The following PRKAG2 variants were observed in gnomAD, a reference collection of about 807,000 sequenced individuals.
The protein encoded by PRKAG2 is 5'-AMP-activated protein kinase subunit gamma-2.
PRKAG2 carries 26 observed loss-of-function variants against 69.6 expected under a neutral mutation model. That is an observed-to-expected ratio of 0.37 (90% confidence interval 0.27 to 0.52). The LOEUF (loss-of-function observed/expected upper bound fraction) is 0.52. Ranked by LOEUF, PRKAG2 falls within the 20% of genes least tolerant of loss-of-function variation. PRKAG2 has a pLI of 0.90. For missense variants in PRKAG2, 557 were observed against 740.0 expected (o/e 0.75, Z 2.87); for synonymous variants, 293 against 285.0 (o/e 1.03, Z -0.28).
chr7:151,632,497 C>G lies in PRKAG2; in HGVS notation c.685-359G>C. On this transcript the variant is annotated intron_variant, in intron 4 of 15. Coordinates refer to ENST00000287878, the MANE Select transcript of PRKAG2 (RefSeq NM_016203.4). The surrounding 1 kb of genome is among the most constrained non-coding windows in gnomAD (Gnocchi z 4.2). ...GGGGCGCCCCCCTCCGGCCGTGGCC[C>G]GCGTCCTCCCCGCCGTGCCGCCATT... is the stretch of plus-strand genomic sequence containing the variant. The G allele has an allele frequency of 1.1e-6, 1 of 886,790 alleles. No homozygotes were observed. The highest frequency in any genetic ancestry group is 1.4e-6 in the Non-Finnish European group (1 of 740,714). The allele number at this position is 886,790 out of a possible 1,614,324, so 54.9% of individuals were successfully genotyped here.
At chr7:151,590,144 C>T (rs1391090948) in intron 6 of PRKAG2, among the ~76,000 whole-genome samples, 3 of 152,134 alleles carry the variant, frequency 2.0e-5, no homozygotes, top group African/African-American at 7.2e-5. Flanking sequence ...TGTGCCAGGG[C>T]CCACATGGCC....
chr7:151,726,749 G>A (rs919824540), intron 3 of PRKAG2, among the ~76,000 whole-genome samples: 4 of 152,168 alleles, frequency 2.6e-5, no homozygotes, highest in African/African-American at 9.7e-5. Flanking sequence ...ATCTTGAGGG[G>A]AAGTAGCTGG....
At position 151,620,027 on chromosome 7, in the gene PRKAG2, A is replaced by AAAAAAT. The variant is rs556918279; in HGVS notation, c.754+12036_754+12041dup. On this transcript the variant is annotated intron_variant, in intron 5 of 15. Coordinates refer to ENST00000287878, the MANE Select transcript of PRKAG2 (RefSeq NM_016203.4). ...CAGAGCGAGACTCCGTCTCAAAAAT[A>AAAAAAT]AAAAATAAAAATAAAAATAAAAATA... is the stretch of plus-strand genomic sequence containing the variant. 3.9e-3 allele frequency among the ~76,000 whole-genome samples: 588 copies of AAAAAAT among 152,268 alleles called. 9 individuals carry two copies. The South Asian group carries it at 0.046, about 12-fold the overall frequency.
chr7:151,821,633 T>C lies in PRKAG2; in HGVS notation c.115-35092A>G, dbSNP rs2151865112. 1.3e-5 allele frequency among the ~76,000 whole-genome samples: 2 copies of C among 152,254 alleles called. 1 individual carries two copies. The highest frequency in any genetic ancestry group is 4.1e-4 in the South Asian group (2 of 4,826). On this transcript the variant is annotated intron_variant, in intron 1 of 15. Transcript: ENST00000287878. ...CATTTTTTTTCTACAAATTGCCCTC[T>C]ATAACAATGCCCCTAAGCAAGTCCT...
intron 1 of PRKAG2, among the ~76,000 whole-genome samples, chr7:151,826,750 A>AT (rs1049564962): frequency 6.6e-6 from 1 of 152,112 alleles, no homozygotes; most frequent in Non-Finnish European, 1.5e-5. Context: ...TTCTCCATTT[A>AT]TTTTTTTCCT....
chr7:151,601,151 G>A lies in PRKAG2; in HGVS notation c.755-5697C>T, dbSNP rs765251451. On this transcript the variant is annotated intron_variant, in intron 5 of 15. Transcript: ENST00000287878. The stretch of plus-strand genomic sequence containing the variant: ...TTACCCACAGGGGGACACAATGACC[G>A]GTTATCCACCCTCAAAGCTTATGCA... 1.6e-4 allele frequency among the ~76,000 whole-genome samples: 24 copies of A among 152,094 alleles called. 1 individual carries two copies. The highest frequency in any genetic ancestry group is 1.4e-3 in the Admixed American group (22 of 15,276).
At chr7:151,858,685 C>A (rs1349366792) in intron 1 of PRKAG2, among the ~76,000 whole-genome samples, 2 of 152,206 alleles carry the variant, frequency 1.3e-5, no homozygotes, top group African/African-American at 4.8e-5. Flanking sequence ...GTGACATCGT[C>A]ATTCACTTCG....
chr7:151,783,160 A>ACCCGCGCAGCACAGCCTC (rs1220369441), intron 2 of PRKAG2, among the ~76,000 whole-genome samples: 1 of 152,136 alleles, frequency 6.6e-6, no homozygotes, highest in African/African-American at 2.4e-5. Context: ...CGTGGCGTGG[A>ACCCGCGCAGCACAGCCTC]CCCGCGCAGC....
At chr7:151,790,581 T>G (rs1290611804) in intron 1 of PRKAG2, 1 of 152,220 alleles carries the variant, frequency 6.6e-6, no homozygotes, top group Non-Finnish European at 1.5e-5. Flanking sequence ...CCAAGCACCC[T>G]CTTGCGCCTG....
At chr7:151,682,669 G>C (rs1008542279) in intron 3 of PRKAG2, among the ~76,000 whole-genome samples, 1 of 152,192 alleles carries the variant, frequency 6.6e-6, no homozygotes, top group Admixed American at 6.5e-5. Context: ...GGGGTGTTGA[G>C]GAAGGAGGTG....
intron 3 of PRKAG2, among the ~76,000 whole-genome samples, chr7:151,755,273 G>A (rs953553324): frequency 2.6e-5 from 4 of 152,128 alleles, no homozygotes; most frequent in African/African-American, 9.7e-5. Context: ...TGGGAGGCAC[G>A]GCACAGCACA....
chr7:151,874,234 GATGTAT>G lies in PRKAG2; in HGVS notation c.114+2267_114+2272del, dbSNP rs1273435017. ...ATATGTATATGATGTATATGTATAT[GATGTAT>G]ATGTATATGTATATGATGTATATGT... On this transcript the variant is annotated intron_variant, in intron 1 of 15. Transcript: ENST00000287878. Among the ~76,000 whole-genome samples, 231 of 113,262 alleles carry G rather than the reference GATGTAT, an allele frequency of 2.0e-3. 1 individual carries two copies. The highest frequency in any genetic ancestry group is 4.4e-3 in the Middle Eastern group (1 of 226). 74.3% of individuals were successfully genotyped at this position (113,262 alleles called of 152,430 possible).
intron 2 of PRKAG2, among the ~76,000 whole-genome samples, chr7:151,784,330 C>A (rs182972510): frequency 6.6e-6 from 1 of 152,070 alleles, no homozygotes; most frequent in African/African-American, 2.4e-5. Flanking sequence ...GGGAGAGGGC[C>A]GAGCCAATGC....
chr7:151,858,353 G>C (rs6962064), intron 1 of PRKAG2, among the ~76,000 whole-genome samples: 38,532 of 152,186 alleles, frequency 0.25, 5,487 homozygotes, highest in South Asian at 0.42. Flanking sequence ...CACTTGGTGG[G>C]AAGGTGACTG....
intron 5 of PRKAG2, among the ~76,000 whole-genome samples, chr7:151,598,000 T>C (rs1320595173): frequency 2.0e-5 from 3 of 152,184 alleles, no homozygotes; most frequent in Non-Finnish European, 2.9e-5. Context: ...TCATGACACA[T>C]GTGCACTGCC....
At chr7:151,790,413 A>G (rs992907226) in intron 1 of PRKAG2, 1 of 152,148 alleles carries the variant, frequency 6.6e-6, no homozygotes, top group African/African-American at 2.4e-5. Context: ...TTATTACCAG[A>G]CTGATAATCC....
chr7:151,862,718 G>A (rs189695415), intron 1 of PRKAG2, among the ~76,000 whole-genome samples: 68 of 152,336 alleles, frequency 4.5e-4, no homozygotes, highest in African/African-American at 1.5e-3. Flanking sequence ...ACGCGGTGCC[G>A]TGGATGCCGT....
chr7:151,782,144 A>G (rs2059023887), intron 2 of PRKAG2, among the ~76,000 whole-genome samples: 4 of 151,958 alleles, frequency 2.6e-5, no homozygotes, highest in African/African-American at 2.4e-5. Context: ...TTAGCTGGGC[A>G]TGGTGGCGGG....
At chr7:151,862,733 T>A (rs2079962895) in intron 1 of PRKAG2, among the ~76,000 whole-genome samples, 1 of 152,202 alleles carries the variant, frequency 6.6e-6, no homozygotes, top group South Asian at 2.1e-4. Context: ...TGCCGTGGTG[T>A]GGCTCCCGGA....
Sources: allele counts gnomAD v4.1 joint callset (sites outside exome capture counted in the v4.1 genomes callset), GRCh38; gene constraint gnomAD v4.1.1; non-coding constraint Gnocchi (gnomAD v3.1); transcripts MANE v1.5; gene names NCBI Gene and HGNC (gene_info 2026-07-23, HGNC 2026-07-21).